Variants in ZNF469 observed in about 807,000 individuals in gnomAD.
ZNF469 encodes the protein zinc finger protein 469.
A neutral mutation model predicts 1.0 loss-of-function variants in ZNF469; 1 was observed. The observed-to-expected ratio is 1.00, with a 90% confidence interval of 0.35 to 4.73. ZNF469 has a LOEUF of 4.73. Ranked by LOEUF, ZNF469 falls within the 30% of genes most tolerant of loss-of-function variation. ZNF469 has a pLI of 0.16. For synonymous variants in ZNF469, 2,703 were observed against 2,363.4 expected, an observed-to-expected ratio of 1.14 and a Z score of -4.17; for missense variants, 6,100 against 5,356.3, an observed-to-expected ratio of 1.14 and a Z score of -4.33.
the ZNF469 span, among the ~76,000 whole-genome samples, chr16:88,185,233 G>A: frequency 1.3e-5 from 2 of 151,440 alleles, no homozygotes; most frequent in African/African-American, 4.9e-5. Flanking sequence ...ATTCACACAC[G>A]GGCACACCCA....
intron 1 of ZNF469, among the ~76,000 whole-genome samples, chr16:88,389,555 T>C (rs950469202): frequency 1.3e-5 from 2 of 152,058 alleles, no homozygotes. Context: ...GTGGCCACCC[T>C]GGCCTTCAAG....
chr16:88,213,342 G>A, the ZNF469 span, among the ~76,000 whole-genome samples: 125 of 152,182 alleles, frequency 8.2e-4, 3 homozygotes, highest in African/African-American at 2.7e-3. Flanking sequence ...CTCGTAATCC[G>A]CTCGCCTCGG....
chr16:88,137,502 G>A, the ZNF469 span, among the ~76,000 whole-genome samples: 3 of 150,176 alleles, frequency 2.0e-5, no homozygotes, highest in Admixed American at 6.6e-5. Flanking sequence ...ATATGACCGT[G>A]TGTGCATACT....
chr16:88,204,393 G>T, the ZNF469 span, among the ~76,000 whole-genome samples: 1 of 152,230 alleles, frequency 6.6e-6, no homozygotes, highest in African/African-American at 2.4e-5. Context: ...GGCAGAGTGG[G>T]ATTGTGACAC....
the ZNF469 span, among the ~76,000 whole-genome samples, chr16:88,232,627 G>C: frequency 1.3e-5 from 2 of 152,338 alleles, no homozygotes; most frequent in African/African-American, 2.4e-5. Flanking sequence ...CAGGCTGTCC[G>C]GGAGCTCTCT....
chr16:88,128,196 C>T, the ZNF469 span, among the ~76,000 whole-genome samples: 3 of 151,750 alleles, frequency 2.0e-5, no homozygotes, highest in Non-Finnish European at 4.4e-5. Flanking sequence ...ATGGGTGGCC[C>T]CTCTCGAGGC....
chr16:88,411,404 G>A (rs1017018587), intron 1 of ZNF469, among the ~76,000 whole-genome samples: 18 of 152,024 alleles, frequency 1.2e-4, no homozygotes, highest in African/African-American at 4.3e-4. Flanking sequence ...CAGGGGCAAG[G>A]CCAGGAGGTG....
the ZNF469 span, among the ~76,000 whole-genome samples, chr16:88,233,891 G>A: frequency 1.0e-4 from 16 of 152,392 alleles, no homozygotes; most frequent in East Asian, 9.6e-4. Context: ...TCTCTCGCCC[G>A]CAGCCCCGTC....
chr16:88,157,951 C>G, the ZNF469 span, among the ~76,000 whole-genome samples: 2 of 152,076 alleles, frequency 1.3e-5, no homozygotes, highest in Non-Finnish European at 2.9e-5. Context: ...GGAGAGGCAG[C>G]TCTAAGACCT....
At position 88,436,203 on chromosome 16, in the gene ZNF469, C is replaced by A. The variant is rs567512563; in HGVS notation, c.8733C>A (p.Asp2911Glu). The change falls in exon 3 of 3, where the codon GAC (aspartate) becomes GAA (glutamate). Residue 2911 changes from aspartate (D) to glutamate (E), a missense_variant. Asp to Glu is a conservative substitution (Grantham distance 45). Transcript: ENST00000565624. Reference protein sequence around the residue: ...PTLGPARLPTDLSDSSSLCLC... With the variant: ...PTLGPARLPTELSDSSSLCLC... ...TGGGCCCAGCCCGCCTGCCCACGGA[C>A]CTCAGCGACTCCAGCTCCCTCTGCC... 3.2e-6 allele frequency: 5 copies of A among 1,548,366 alleles called. No homozygotes were observed. Among genetic ancestry groups the A allele is most frequent in the Non-Finnish European group, 4.4e-6 (5 of 1,146,856 alleles).
chr16:88,309,146 C>T, the ZNF469 span, among the ~76,000 whole-genome samples: 2 of 152,356 alleles, frequency 1.3e-5, no homozygotes, highest in African/African-American at 2.4e-5. Flanking sequence ...CTGATCCTGC[C>T]CTGTGCGTGT....
chr16:88,137,388 C>T, the ZNF469 span, among the ~76,000 whole-genome samples: 24 of 152,292 alleles, frequency 1.6e-4, no homozygotes, highest in South Asian at 8.3e-4. Context: ...ACCATGTGTG[C>T]GGTTGTGTAC....
At chr16:88,117,497 C>T in the ZNF469 span, among the ~76,000 whole-genome samples, 4 of 151,950 alleles carry the variant, frequency 2.6e-5, no homozygotes, top group African/African-American at 9.7e-5. Context: ...CCACTGACTG[C>T]CTAGAAGACC....
the ZNF469 span, among the ~76,000 whole-genome samples, chr16:88,299,981 G>A: frequency 3.3e-5 from 5 of 152,180 alleles, no homozygotes; most frequent in Admixed American, 6.5e-5. Context: ...GTCTCTCCCC[G>A]GGGAGCCTGC....
At chr16:88,260,978 G>C in the ZNF469 span, among the ~76,000 whole-genome samples, 16 of 152,210 alleles carry the variant, frequency 1.1e-4, no homozygotes, top group Non-Finnish European at 1.9e-4. The surrounding 1 kb of genome is among the most constrained non-coding windows in gnomAD (Gnocchi z 4.1). Context: ...TGCAGCCCCA[G>C]GAAGACAGAA....
the ZNF469 span, among the ~76,000 whole-genome samples, chr16:88,293,244 G>A: frequency 1.3e-5 from 2 of 151,998 alleles, no homozygotes; most frequent in Admixed American, 6.6e-5. Context: ...ATGAATGGAT[G>A]AATGGGTAGA....
chr16:88,437,909 C>G lies in ZNF469; in HGVS notation c.10439C>G (p.Pro3480Arg). 1.3e-6 allele frequency: 2 copies of G among 1,539,760 alleles called. No homozygotes were observed. Among genetic ancestry groups the G allele is most frequent in the Non-Finnish European group, 1.8e-6 (2 of 1,140,832 alleles). The change falls in exon 3 of 3, where the codon CCC (proline) becomes CGC (arginine). Residue 3480 changes from proline (P) to arginine (R), a missense_variant. By Grantham distance (103) the Pro-to-Arg change is moderately radical (BLOSUM62 -2). Coordinates refer to ENST00000565624, the MANE Select transcript of ZNF469 (RefSeq NM_001367624.2). Reference protein sequence around the residue: ...LPSKRRRVAMPGSAPGPGEDR... With the variant: ...LPSKRRRVAMRGSAPGPGEDR... ...AGCAAACGGCGCAGGGTGGCCATGCCCGGCAGTGCCCCTGGGCCCGGCGAG... is the reference window on the plus strand; with the variant it reads ...AGCAAACGGCGCAGGGTGGCCATGCGCGGCAGTGCCCCTGGGCCCGGCGAG...
intron 1 of ZNF469, among the ~76,000 whole-genome samples, chr16:88,393,626 G>T (rs983029367): frequency 6.6e-6 from 1 of 152,162 alleles, no homozygotes. Flanking sequence ...AGGGGTTCGG[G>T]TGGGGGTCAG....
At chr16:88,225,723 C>T in the ZNF469 span, among the ~76,000 whole-genome samples, 1 of 152,156 alleles carries the variant, frequency 6.6e-6, no homozygotes, top group East Asian at 1.9e-4. Flanking sequence ...CCCTGCCCTT[C>T]CCATCACATG....
Sources: gnomAD v4.1 joint callset for allele counts (sites outside exome capture counted in the v4.1 genomes callset) on GRCh38, gnomAD v4.1.1 for gene constraint, Gnocchi (gnomAD v3.1) non-coding constraint, MANE v1.5 for transcripts, NCBI Gene and HGNC (gene_info 2026-07-23, HGNC 2026-07-21) for gene names.